SCN1A: variants seen among roughly 807,000 people sequenced by gnomAD.
SCN1A encodes the protein sodium voltage-gated channel alpha subunit 1, also known as sodium channel protein type 1 subunit alpha.
A neutral mutation model predicts 193.7 loss-of-function variants in SCN1A; 13 were observed. That is an observed-to-expected ratio of 0.07 (90% CI 0.04 to 0.11). SCN1A has a LOEUF of 0.11. Ranked by LOEUF, SCN1A falls within the 10% of genes least tolerant of loss-of-function variation. The probability of loss-of-function intolerance (pLI) is 1.00; values close to 1 mark genes in which losing one functional copy is unlikely to be tolerated. For missense variants in SCN1A, 1,432 were observed against 2,451.1 expected, an observed-to-expected ratio of 0.58 and a Z score of 8.78; for synonymous variants, 781 against 843.6, an observed-to-expected ratio of 0.93 and a Z score of 1.29.
chr2:166,017,224 T>G (rs775929875), intron 19 of SCN1A, among the ~76,000 whole-genome samples: 1 of 151,842 alleles, frequency 6.6e-6, no homozygotes, highest in African/African-American at 2.4e-5. Flanking sequence ...GCTCAGAAGC[T>G]GAAAAGTTGA....
At chr2:166,040,633 AAC>A (rs746192164) in intron 16 of SCN1A, among the ~76,000 whole-genome samples, 16 of 152,220 alleles carry the variant, frequency 1.1e-4, no homozygotes, top group Non-Finnish European at 2.2e-4. Flanking sequence ...TTGACTGGCA[AAC>A]ACTTTAATAA....
chr2:166,057,049 A>G (rs181703780), intron 5 of SCN1A, among the ~76,000 whole-genome samples: 4 of 152,228 alleles, frequency 2.6e-5, no homozygotes, highest in African/African-American at 9.6e-5. Flanking sequence ...CAAGTGCAGC[A>G]GGATTCGATA....
At chr2:166,063,849 CT>C (rs1264530108) in intron 4 of SCN1A, among the ~76,000 whole-genome samples, 1 of 151,952 alleles carries the variant, frequency 6.6e-6, no homozygotes, top group Non-Finnish European at 1.5e-5. Context: ...AGTCTTAGAT[CT>C]TTGAAATATG....
intron 24 of SCN1A, 121 bp downstream of exon 24, chr2:166,002,351 G>A (rs950291674): frequency 3.6e-6 from 4 of 1,104,348 alleles, no homozygotes; most frequent in African/African-American, 3.2e-5. Context: ...CTAACAAATT[G>A]AAATTTTTTA....
At position 166,036,182 on chromosome 2, in the gene SCN1A, C is replaced by T; in HGVS notation, c.3295G>A (p.Glu1099Lys). 1 of 1,614,004 alleles carries T rather than the reference C, an allele frequency of 6.2e-7. No homozygotes were observed. The highest frequency in any genetic ancestry group is 1.1e-5 in the South Asian group (1 of 91,074). The change falls in exon 19 of 29, where the codon GAA becomes AAA. Residue 1099 changes from glutamate (E) to lysine (K), a missense_variant. Glu to Lys is a moderately conservative substitution (Grantham distance 56). Transcript: ENST00000674923. Reference sequence around the variant, plus strand: ...TTTATGAATGACATGTAATCACTTTCATCAATAATGTATTTTTCAACACTG... The same window carrying T: ...TTTATGAATGACATGTAATCACTTTTATCAATAATGTATTTTTCAACACTG... ...GSSVEKYIID[E>K]SDYMSFINNP... is the part of the protein sequence containing the mutation.
intron 24 of SCN1A, among the ~76,000 whole-genome samples, chr2:166,002,267 C>T (rs1690986091): frequency 6.6e-6 from 1 of 151,624 alleles, no homozygotes; most frequent in Non-Finnish European, 1.5e-5. Context: ...TTTGTTTGGT[C>T]TGGTCACTAC....
chr2:166,118,264 A>G (rs1250987488), intron 2 of SCN1A, among the ~76,000 whole-genome samples: 1 of 37,444 alleles, frequency 2.7e-5, no homozygotes, highest in Admixed American at 2.4e-4. Flanking sequence ...TCACACTCCT[A>G]TTTTCTTTTT....
At chr2:166,010,589 C>T (rs76989094) in intron 22 of SCN1A, among the ~76,000 whole-genome samples, 1 of 151,110 alleles carries the variant, frequency 6.6e-6, no homozygotes, top group East Asian at 1.9e-4. Flanking sequence ...GTATCTAATT[C>T]TCTAAATAAG....
intron 4 of SCN1A, 89 bp downstream of exon 4, chr2:166,073,269 G>T: frequency 1.4e-6 from 2 of 1,466,610 alleles, no homozygotes; most frequent in East Asian, 2.3e-5. Context: ...TTAAGATTTT[G>T]TGCTAATTTG....
intron 4 of SCN1A, among the ~76,000 whole-genome samples, chr2:166,059,933 T>C (rs558721964): frequency 4.0e-4 from 60 of 151,114 alleles, no homozygotes; most frequent in Non-Finnish European, 7.8e-4. Context: ...CTAAACTGGC[T>C]GTGAAAGTAT....
chr2:166,040,352 CTCAA>C (rs1189082694), intron 16 of SCN1A, among the ~76,000 whole-genome samples: 1 of 152,124 alleles, frequency 6.6e-6, no homozygotes, highest in African/African-American at 2.4e-5. Context: ...TCCTATTTCC[CTCAA>C]TCAGAGTTAT....
rs776714907 is a variant in SCN1A, at chr2:166,038,064, G to A, written c.2658C>T (p.Ser886=). The change falls in exon 18 of 29, where the codon TCC becomes TCT. Residue 886 remains serine, a synonymous_variant. Coordinates refer to ENST00000674923, the MANE Select transcript of SCN1A (RefSeq NM_001165963.4). ...LNMLIKIIGN[S]VGALGNLTLV... ...GGGTTAAATTTCCCAGAGCCCCCAC[G>A]GAATTGCCGATGATCTTTATTAGCA... 16 of 1,614,156 alleles carry A rather than the reference G, an allele frequency of 9.9e-6. No individual in the cohort carries two copies. The South Asian group carries it at 1.3e-4, about 13-fold the overall frequency.
At chr2:166,028,253 A>C (rs1695066018) in intron 19 of SCN1A, among the ~76,000 whole-genome samples, 1 of 152,188 alleles carries the variant, frequency 6.6e-6, no homozygotes, top group Non-Finnish European at 1.5e-5. Flanking sequence ...ATACAAAAAA[A>C]TTGGAAAGAA....
intron 2 of SCN1A, among the ~76,000 whole-genome samples, chr2:166,104,964 A>C (rs541457077): frequency 1.7e-4 from 26 of 152,228 alleles, no homozygotes; most frequent in Non-Finnish European, 2.9e-4. Context: ...TAAAAATAGC[A>C]AAAGAAATGA....
chr2:166,001,879 C>CT lies in SCN1A; in HGVS notation c.4284+592dup, dbSNP rs71393699. Among the ~76,000 whole-genome samples the CT allele has an allele frequency of 3.2e-3, 149 of 46,396 alleles. 3 individuals are homozygous for CT. The highest frequency in any genetic ancestry group is 0.011 in the African/African-American group (124 of 10,982). 30.4% of individuals were successfully genotyped at this position (46,396 alleles called of 152,430 possible). A position where few individuals can be genotyped will look rare whatever the true frequency, so the allele number is the denominator to read the frequency against. On this transcript the variant is annotated intron_variant, in intron 24 of 28. Transcript: ENST00000674923. ...GTTGCTTCCAGGTATAATTCTCTCT[C>CT]TTTTTTTTTTTTTTTTTTTTTTTTT... is the stretch of plus-strand genomic sequence containing the variant.
intron 24 of SCN1A, 193 bp from the exon 25 acceptor site, chr2:165,999,969 A>G: frequency 1.6e-6 from 1 of 610,058 alleles, no homozygotes; most frequent in Non-Finnish European, 2.9e-6. Flanking sequence ...ATATTGAACA[A>G]AATGGCCATT....
At chr2:166,113,956 G>A (rs1431920345) in intron 2 of SCN1A, among the ~76,000 whole-genome samples, 1 of 151,956 alleles carries the variant, frequency 6.6e-6, no homozygotes, top group Non-Finnish European at 1.5e-5. Flanking sequence ...TGTGATCCTT[G>A]GATCTCATGG....
At chr2:166,110,764 G>T (rs1689206297) in intron 2 of SCN1A, among the ~76,000 whole-genome samples, 1 of 152,118 alleles carries the variant, frequency 6.6e-6, no homozygotes, top group African/African-American at 2.4e-5. Context: ...TTGAATTGTA[G>T]CTCCCATAAT....
chr2:166,088,683 A>AC lies in SCN1A; in HGVS notation c.-141-10883dup, dbSNP rs908209937. Among the ~76,000 whole-genome samples the AC allele has an allele frequency of 5.3e-5, 8 of 151,946 alleles. No individual in the cohort carries two copies. The South Asian group carries it at 1.0e-3, about 20-fold the overall frequency. On this transcript the variant is annotated intron_variant, in intron 2 of 28. Coordinates refer to ENST00000674923, the MANE Select transcript of SCN1A (RefSeq NM_001165963.4). ...ATATCTCACCTGCTACCCTACATTC[A>AC]CCCCCAGTAAAGTCCCAAAGCCCGT... is the stretch of plus-strand genomic sequence containing the variant.
Sources: gnomAD v4.1 joint callset for allele counts (sites outside exome capture counted in the v4.1 genomes callset) on GRCh38, gnomAD v4.1.1 for gene constraint, MANE v1.5 for transcripts, NCBI Gene and HGNC (gene_info 2026-07-23, HGNC 2026-07-21) for gene names.